CCR7: variants seen among roughly 807,000 people sequenced by gnomAD.
CCR7 encodes the protein C-C motif chemokine receptor 7, also known as C-C chemokine receptor type 7.
CCR7 carries 11 observed loss-of-function variants against 26.0 expected under a neutral mutation model. That is an observed-to-expected ratio of 0.42 (90% CI 0.27 to 0.70). The LOEUF is 0.70. Ranked by LOEUF, CCR7 falls within the 30% of genes least tolerant of loss-of-function variation. The pLI is 0.23. For missense variants in CCR7, 360 were observed against 504.0 expected, an observed-to-expected ratio of 0.71 and a Z score of 2.74; for synonymous variants, 189 against 202.1, an observed-to-expected ratio of 0.94 and a Z score of 0.55.
chr17:40,555,346 G>C lies in CCR7; in HGVS notation c.533C>G (p.Ser178Cys). The change falls in exon 3 of 3, where the codon TCC becomes TGC. Residue 178 changes from serine (S) to cysteine (C), a missense_variant. Ser to Cys is a moderately radical substitution (Grantham distance 112). Coordinates refer to ENST00000246657, the MANE Select transcript of CCR7 (RefSeq NM_001838.4). This position sits in a 1 kb window ranked among gnomAD's most constrained non-coding sequence, Gnocchi z 5.6. ...GGCTAGTATCCAGATGCCCACACAG[G>C]ACAGCTTGCTGATGAGAAGGACGCG... ...RARVLLISKL[S>C]CVGIWILATV... is the part of the protein sequence containing the mutation. 6.2e-7 allele frequency: 1 copy of C among 1,614,192 alleles called. No individual in the cohort carries two copies. Among genetic ancestry groups the C allele is most frequent in the Non-Finnish European group, 8.5e-7 (1 of 1,180,038 alleles).
At chr17:40,560,424 G>C (rs554360847) in intron 1 of CCR7, among the ~76,000 whole-genome samples, 159 of 152,310 alleles carry the variant, frequency 1.0e-3, no homozygotes, top group African/African-American at 3.7e-3. Flanking sequence ...AGAGCCCAGC[G>C]CTTCCGTGTC....
chr17:40,558,400 G>A (rs1441124564), intron 2 of CCR7, among the ~76,000 whole-genome samples: 1 of 152,138 alleles, frequency 6.6e-6, no homozygotes, highest in African/African-American at 2.4e-5. Context: ...CCCCTGCCAG[G>A]GAGGCCGGAT....
Position 40,554,794 on chromosome 17 carries a change from C to G in CCR7, c.1085G>C (p.Arg362Pro). The change falls in exon 3 of 3, where the codon CGG becomes CCG. Residue 362 changes from arginine to proline, a missense_variant. By Grantham distance (103) the Arg-to-Pro change is moderately radical. Coordinates refer to ENST00000246657, the MANE Select transcript of CCR7 (RefSeq NM_001838.4). ...LRQWSSCRHI[R>P]RSSMSVEAET... ...GGCCTCCACACTCATGGAGGAGCGCCGGATGTGCCGACAGGAAGACCACTG... is the reference window on the plus strand; with the variant it reads ...GGCCTCCACACTCATGGAGGAGCGCGGGATGTGCCGACAGGAAGACCACTG... 1 of 1,613,970 alleles carries G rather than the reference C, an allele frequency of 6.2e-7. No individual in the cohort carries two copies. Among genetic ancestry groups the G allele is most frequent in the South Asian group, 1.1e-5 (1 of 91,074 alleles).
chr17:40,555,726 C>T lies in CCR7; in HGVS notation c.153G>A (p.Lys51=), dbSNP rs765413721. 3 of 1,614,156 alleles carry T rather than the reference C, an allele frequency of 1.9e-6. No individual in the cohort carries two copies. The highest frequency in any genetic ancestry group is 2.5e-6 in the Non-Finnish European group (3 of 1,180,020). ...YTLFESLCSK[K]DVRNFKAWFL... ...ACCAGGCTTTAAAGTTCCGCACGTCCTTCTTGGAGCACAAAGACTCGAACA... is the reference window on the plus strand; with the variant it reads ...ACCAGGCTTTAAAGTTCCGCACGTCTTTCTTGGAGCACAAAGACTCGAACA... Residue 51 remains lysine, a synonymous_variant, in exon 3 of 3, where the codon AAG becomes AAA. Coordinates refer to ENST00000246657, the MANE Select transcript of CCR7 (RefSeq NM_001838.4). This position sits in a 1 kb window ranked among gnomAD's most constrained non-coding sequence, Gnocchi z 5.6.
At chr17:40,558,821 C>T in intron 2 of CCR7, 72 bp downstream of exon 2, 1 of 1,345,960 alleles carries the variant, frequency 7.4e-7, no homozygotes, top group South Asian at 1.2e-5. Flanking sequence ...ATGCCCAGCT[C>T]CTCCACTAAA....
At chr17:40,563,454 G>T (rs1014711186) in intron 1 of CCR7, among the ~76,000 whole-genome samples, 6 of 152,244 alleles carry the variant, frequency 3.9e-5, no homozygotes, top group South Asian at 2.1e-4. Context: ...AAGGTGGGGA[G>T]GGTGCCTCAG....
Position 40,555,158 on chromosome 17 carries a change from A to C in CCR7, c.721T>G (p.Phe241Val). ...GFLVPLLAMS[F>V]CYLVIIRTLL... ...GTGCGGATGATGACAAGGTAACAGA[A>C]GCTCATGGCCAGCAGGGGGACCAGA... The change falls in exon 3 of 3, where the codon TTC (phenylalanine) becomes GTC (valine). Residue 241 changes from phenylalanine to valine, a missense_variant. By Grantham distance (50) the Phe-to-Val change is conservative. Transcript: ENST00000246657. The surrounding 1 kb of genome is among the most constrained non-coding windows in gnomAD (Gnocchi z 5.6). 1 of 1,614,166 alleles carries C rather than the reference A, an allele frequency of 6.2e-7. No homozygotes were observed. Among genetic ancestry groups the C allele is most frequent in the Non-Finnish European group, 8.5e-7 (1 of 1,180,022 alleles).
Position 40,554,477 on chromosome 17 carries a change from T to G in CCR7, c.*265A>C. Reference sequence around the variant, plus strand: ...CAGTTTCTGGACTTTCACTTTCAGTTTTTGGTTTAGGGGACAATAGCCTCT... The same window carrying G: ...CAGTTTCTGGACTTTCACTTTCAGTGTTTGGTTTAGGGGACAATAGCCTCT... On this transcript the variant is annotated 3_prime_UTR_variant, in exon 3 of 3. Transcript: ENST00000246657. 1 of 448,818 alleles carries G rather than the reference T, an allele frequency of 2.2e-6. No individual in the cohort carries two copies. The highest frequency in any genetic ancestry group is 4.0e-6 in the Non-Finnish European group (1 of 251,430). The allele number at this position is 448,818 out of a possible 1,614,324, so 27.8% of individuals were successfully genotyped here.
At chr17:40,563,698 G>C (rs936584699) in intron 1 of CCR7, among the ~76,000 whole-genome samples, 7 of 152,026 alleles carry the variant, frequency 4.6e-5, no homozygotes, top group African/African-American at 1.7e-4. Context: ...TGACCGTTGG[G>C]GCTCTCTCAA....
rs1377023954 is a variant in CCR7 at position 40,558,878 on chromosome 17, G to A, written c.60+15C>T. 2 of 1,612,168 alleles carry A rather than the reference G, an allele frequency of 1.2e-6. No individual in the cohort carries two copies. The highest frequency in any genetic ancestry group is 8.5e-7 in the Non-Finnish European group (1 of 1,178,374). On this transcript the variant is annotated intron_variant, in intron 2 of 2. Coordinates refer to ENST00000246657, the MANE Select transcript of CCR7 (RefSeq NM_001838.4). Reference sequence around the variant, plus strand: ...TGGAGAAGGGAACAGAGCTTTCCTTGGCAGAGAACCTCACCTGGAAAATGA... The same window carrying A: ...TGGAGAAGGGAACAGAGCTTTCCTTAGCAGAGAACCTCACCTGGAAAATGA...
At position 40,555,434 on chromosome 17, in the gene CCR7, AAAG is replaced by A; in HGVS notation, c.442_444del (p.Leu148del). ...GCCACGTAGCGGTCAATGCTGATGC[AAAG>A]AAGTAGGAGCATGCCACTGAAGAAG... On this transcript the variant is annotated inframe_deletion, in exon 3 of 3. Transcript: ENST00000246657. The surrounding 1 kb of genome is among the most constrained non-coding windows in gnomAD (Gnocchi z 5.6). 6.2e-7 allele frequency: 1 copy of A among 1,613,968 alleles called. No individual in the cohort carries two copies. Among genetic ancestry groups the A allele is most frequent in the Non-Finnish European group, 8.5e-7 (1 of 1,180,020 alleles).
intron 1 of CCR7, among the ~76,000 whole-genome samples, chr17:40,564,705 C>A (rs563250038): frequency 6.6e-6 from 1 of 152,306 alleles, no homozygotes; most frequent in South Asian, 2.1e-4. Flanking sequence ...GGGGCAGGGG[C>A]TGTGCTGAAG....
Position 40,555,370 on chromosome 17 carries a change from C to T in CCR7, c.509G>A (p.Arg170His), listed in dbSNP as rs374373475. The T allele has an allele frequency of 2.5e-4, 398 of 1,613,982 alleles. No individual in the cohort carries two copies. Among genetic ancestry groups the T allele is most frequent in the Non-Finnish European group, 3.3e-4 (390 of 1,180,030 alleles). The change falls in exon 3 of 3, where the codon CGC (arginine) becomes CAC (histidine). Residue 170 changes from arginine to histidine, a missense_variant. Arg to His is a conservative substitution (Grantham distance 29). Transcript: ENST00000246657. The surrounding 1 kb of genome is among the most constrained non-coding windows in gnomAD (Gnocchi z 5.6). ...QAVSAHRHRARVLLISKLSCV... is the reference protein window; with the variant it reads ...QAVSAHRHRAHVLLISKLSCV... ...GGACAGCTTGCTGATGAGAAGGACG[C>T]GGGCACGGTGGCGGTGAGCTGAGAC...
chr17:40,557,487 T>C (rs1468581640), intron 2 of CCR7, among the ~76,000 whole-genome samples: 2 of 152,232 alleles, frequency 1.3e-5, no homozygotes, highest in Non-Finnish European at 2.9e-5. Flanking sequence ...CAAAATGATG[T>C]CCAGGAGCCT....
rs968036591 is a variant in CCR7, at chr17:40,553,875, C to T, written c.*867G>A. 4 of 152,080 alleles carry T rather than the reference C, an allele frequency of 2.6e-5. No homozygotes were observed. Among genetic ancestry groups the T allele is most frequent in the South Asian group, 2.1e-4 (1 of 4,824 alleles). The allele number at this position is 152,080 out of a possible 1,614,324, so 9.4% of individuals were successfully genotyped here. On this transcript the variant is annotated 3_prime_UTR_variant, in exon 3 of 3. Transcript: ENST00000246657. Reference sequence around the variant, plus strand: ...GTAAAATGTTGCTCTCTTAACGAATCGAAAGCAGAACATGAGGAGAGGTTT... The same window carrying T: ...GTAAAATGTTGCTCTCTTAACGAATTGAAAGCAGAACATGAGGAGAGGTTT...
rs1244244993 is a variant in CCR7 at position 40,554,495 on chromosome 17, T to C, written c.*247A>G. Reference sequence around the variant, plus strand: ...TTTCAGTTTTTGGTTTAGGGGACAATAGCCTCTGTTTCCCAGTGTTGTCTG... The same window carrying C: ...TTTCAGTTTTTGGTTTAGGGGACAACAGCCTCTGTTTCCCAGTGTTGTCTG... On this transcript the variant is annotated 3_prime_UTR_variant, in exon 3 of 3. Coordinates refer to ENST00000246657, the MANE Select transcript of CCR7 (RefSeq NM_001838.4). 3.8e-6 allele frequency: 2 copies of C among 521,784 alleles called. No individual in the cohort carries two copies. The highest frequency in any genetic ancestry group is 1.9e-5 in the African/African-American group (1 of 52,386). 32.3% of individuals were successfully genotyped at this position (521,784 alleles called of 1,614,324 possible).
At position 40,555,654 on chromosome 17, in the gene CCR7, G is replaced by T. The variant is rs1481276564; in HGVS notation, c.225C>A (p.Gly75=). ...TATAGGTCAACACGACCAGCCCATT[G>T]CCCAGTAGGCCCACGAAACAAATGA... The part of the protein sequence containing the change: ...YSIICFVGLL[G]NGLVVLTYIY... Residue 75 remains glycine, a synonymous_variant, in exon 3 of 3, where the codon GGC becomes GGA. Coordinates refer to ENST00000246657, the MANE Select transcript of CCR7 (RefSeq NM_001838.4). This position sits in a 1 kb window ranked among gnomAD's most constrained non-coding sequence, Gnocchi z 5.6. 6 of 1,614,036 alleles carry T rather than the reference G, an allele frequency of 3.7e-6. No homozygotes were observed. The highest frequency in any genetic ancestry group is 3.3e-5 in the Admixed American group (2 of 59,998).
At chr17:40,561,295 G>A (rs960238694) in intron 1 of CCR7, among the ~76,000 whole-genome samples, 1 of 152,210 alleles carries the variant, frequency 6.6e-6, no homozygotes, top group African/African-American at 2.4e-5. Flanking sequence ...GGAGGTGGAT[G>A]AGCAAGGGTC....
Position 40,555,215 on chromosome 17 carries a change from T to C in CCR7, c.664A>G (p.Thr222Ala), listed in dbSNP as rs1197360636. 1 of 1,614,012 alleles carries C rather than the reference T, an allele frequency of 6.2e-7. No homozygotes were observed. Among genetic ancestry groups the C allele is most frequent in the Non-Finnish European group, 8.5e-7 (1 of 1,179,990 alleles). Residue 222 changes from threonine (T) to alanine (A), a missense_variant, in exon 3 of 3, where the codon ACC becomes GCC. Transcript: ENST00000246657. This position sits in a 1 kb window ranked among gnomAD's most constrained non-coding sequence, Gnocchi z 5.6. ...LITEHVEAFI[T>A]IQVAQMVIGF... ...ATCACCATCTGGGCCACCTGGATGG[T>C]GATAAAGGCCTCCACATGCTCTGTG...
Sources: allele counts gnomAD v4.1 joint callset (sites outside exome capture counted in the v4.1 genomes callset), GRCh38; gene constraint gnomAD v4.1.1; non-coding constraint Gnocchi (gnomAD v3.1); transcripts MANE v1.5; gene names NCBI Gene and HGNC (gene_info 2026-07-23, HGNC 2026-07-21).